SLCO3A1: variants seen among roughly 807,000 people sequenced by gnomAD.
SLCO3A1 encodes the protein PGE1 transporter.
SLCO3A1 carries 27 observed loss-of-function variants against 63.1 expected under a neutral mutation model. That is an observed-to-expected ratio of 0.43 (90% CI 0.32 to 0.59). The LOEUF is 0.59. Ranked by LOEUF, SLCO3A1 falls within the 20% of genes least tolerant of loss-of-function variation. The pLI is 0.09. For synonymous variants in SLCO3A1, 473 were observed against 409.9 expected (o/e 1.15, Z -1.86); for missense variants, 773 against 945.8 (o/e 0.82, Z 2.40).
rs140029937 is a variant in SLCO3A1 at position 92,155,753 on chromosome 15, G to C, written c.1753+4739G>C. Among the ~76,000 whole-genome samples the C allele has an allele frequency of 3.5e-4, 53 of 152,286 alleles. No individual in the cohort carries two copies. The East Asian group carries it at 7.3e-3, about 21-fold the overall frequency. ...TCCCCCCAACCCAACCGACCTAAGT[G>C]AAAGCAAAAGAGAAGCAATGAAAGC... is the stretch of plus-strand genomic sequence containing the variant. On this transcript the variant is annotated intron_variant, in intron 9 of 9. Coordinates refer to ENST00000318445, the MANE Select transcript of SLCO3A1 (RefSeq NM_013272.4).
intron 4 of SLCO3A1, among the ~76,000 whole-genome samples, chr15:92,110,455 T>C (rs780871690): frequency 1.4e-4 from 21 of 152,112 alleles, no homozygotes; most frequent in Non-Finnish European, 2.2e-4. Context: ...ACCCTTCTCA[T>C]GCCAGTCATG....
chr15:91,896,188 C>T (rs1045074341), intron 1 of SLCO3A1, among the ~76,000 whole-genome samples: 1 of 152,138 alleles, frequency 6.6e-6, no homozygotes, highest in South Asian at 2.1e-4. Flanking sequence ...TAAAGCAGGG[C>T]CTTTTCCTGT....
intron 2 of SLCO3A1, among the ~76,000 whole-genome samples, chr15:92,016,204 T>TATAGATACATAGATAGATAGATAGATAG (rs58884056): frequency 8.3e-6 from 1 of 120,122 alleles, no homozygotes; most frequent in Admixed American, 8.7e-5. Flanking sequence ...TATATATTTA[T>TATAGATACATAGATAGATAGATAGATAG]ATAGATAGAT....
intron 4 of SLCO3A1, among the ~76,000 whole-genome samples, chr15:92,110,550 C>T (rs538996065): frequency 3.3e-5 from 5 of 152,292 alleles, no homozygotes; most frequent in East Asian, 1.9e-4. Context: ...ACTCTGCATT[C>T]GTTCCCTCTA....
intron 2 of SLCO3A1, among the ~76,000 whole-genome samples, chr15:92,065,774 C>CA (rs1463843941): frequency 1.3e-5 from 2 of 152,148 alleles, no homozygotes; most frequent in African/African-American, 4.8e-5. Context: ...TTTACGTGCA[C>CA]ATTTTACAGA....
rs141906341 is a variant in SLCO3A1 at position 92,075,870 on chromosome 15, G to A, written c.647-19011G>A. ...GTTCCCTCTCTCATATAGTGAGTGAGTGTTTTTGTCCAGTCTGTACTTGCC... is the reference window on the plus strand; with the variant it reads ...GTTCCCTCTCTCATATAGTGAGTGAATGTTTTTGTCCAGTCTGTACTTGCC... On this transcript the variant is annotated intron_variant, in intron 2 of 9. Coordinates refer to ENST00000318445, the MANE Select transcript of SLCO3A1 (RefSeq NM_013272.4). Among the ~76,000 whole-genome samples the A allele has an allele frequency of 3.7e-3, 560 of 152,322 alleles. 7 individuals carry two copies. The highest frequency in any genetic ancestry group is 0.013 in the African/African-American group (521 of 41,584).
At chr15:92,009,391 T>C (rs1881390183) in intron 2 of SLCO3A1, among the ~76,000 whole-genome samples, 1 of 152,192 alleles carries the variant, frequency 6.6e-6, no homozygotes. Context: ...GTTAGGTGAC[T>C]CAGGTTCTGA....
chr15:92,087,676 G>C (rs2047423181), intron 2 of SLCO3A1, among the ~76,000 whole-genome samples: 2 of 151,846 alleles, frequency 1.3e-5, no homozygotes, highest in Non-Finnish European at 2.9e-5. Context: ...GTACCACCAT[G>C]CCCAGCTAAT....
At position 92,162,839 on chromosome 15, in the gene SLCO3A1, G is replaced by A. The variant is rs747357449; in HGVS notation, c.1837G>A (p.Ala613Thr). Residue 613 changes from alanine to threonine, a missense_variant, in exon 10 of 10, where the codon GCC becomes ACC. Physicochemically the swap from Ala to Thr is moderately conservative, Grantham distance 58. Coordinates refer to ENST00000318445, the MANE Select transcript of SLCO3A1 (RefSeq NM_013272.4). ...GAGCACGTTCTGTGGGGAGCAAGGC[G>A]CCTGCGTCCTCTACGACAATGTGGT... ...FWSTFCGEQGACVLYDNVVYR... is the reference protein window; with the variant it reads ...FWSTFCGEQGTCVLYDNVVYR... The A allele has an allele frequency of 7.4e-6, 12 of 1,614,070 alleles. No individual in the cohort carries two copies. Among genetic ancestry groups the A allele is most frequent in the Admixed American group, 1.7e-5 (1 of 60,002 alleles).
chr15:92,126,615 A>G (rs893533422), intron 6 of SLCO3A1, among the ~76,000 whole-genome samples: 41 of 152,224 alleles, frequency 2.7e-4, no homozygotes, highest in Admixed American at 2.1e-3. Context: ...TGATTTCAAC[A>G]ATTCCTTAAA....
chr15:91,943,153 T>G (rs1245636518), intron 2 of SLCO3A1, among the ~76,000 whole-genome samples: 2 of 152,178 alleles, frequency 1.3e-5, no homozygotes, highest in African/African-American at 4.8e-5. Context: ...AGCCTAGTAG[T>G]GTTAAGGACA....
At position 91,881,859 on chromosome 15, in the gene SLCO3A1, G is replaced by A. The variant is rs575975701; in HGVS notation, c.180+27771G>A. Among the ~76,000 whole-genome samples, 84 of 152,270 alleles carry A rather than the reference G, an allele frequency of 5.5e-4. 2 individuals carry two copies. The South Asian group carries it at 0.017, about 30-fold the overall frequency. ...GACTTCTTTGCCTGGCAAACTCCTG[G>A]TCATCTTTTACCACTGGAATGTCAT... On this transcript the variant is annotated intron_variant, in intron 1 of 9. Transcript: ENST00000318445.
intron 2 of SLCO3A1, among the ~76,000 whole-genome samples, chr15:91,976,994 A>G (rs1336767483): frequency 6.6e-6 from 1 of 152,128 alleles, no homozygotes; most frequent in East Asian, 1.9e-4. Context: ...TTTGAGATCA[A>G]CCAGTCTGAC....
chr15:92,081,450 A>T (rs1596082974), intron 2 of SLCO3A1, among the ~76,000 whole-genome samples: 1 of 150,104 alleles, frequency 6.7e-6, no homozygotes, highest in Non-Finnish European at 1.5e-5. Flanking sequence ...GCTCACTGCA[A>T]CCTCCACCTC....
intron 2 of SLCO3A1, among the ~76,000 whole-genome samples, chr15:91,981,970 C>G (rs1163605931): frequency 6.6e-6 from 1 of 152,258 alleles, no homozygotes; most frequent in Middle Eastern, 3.2e-3. Flanking sequence ...TGCTTACATG[C>G]CTTCTTCTGT....
chr15:92,054,247 G>A (rs1009968060), intron 2 of SLCO3A1, among the ~76,000 whole-genome samples: 1 of 152,144 alleles, frequency 6.6e-6, no homozygotes, highest in Non-Finnish European at 1.5e-5. Context: ...GACTCATGCT[G>A]TATTAAAATG....
intron 7 of SLCO3A1, among the ~76,000 whole-genome samples, chr15:92,132,864 C>T (rs778534276): frequency 6.9e-6 from 1 of 145,508 alleles, no homozygotes; most frequent in Admixed American, 6.8e-5. Context: ...CAATACAGGC[C>T]GCACCTTAGG....
At position 91,942,075 on chromosome 15, in the gene SLCO3A1, A is replaced by G. The variant is rs1899641913; in HGVS notation, c.646+25617A>G. On this transcript the variant is annotated intron_variant, in intron 2 of 9. Coordinates refer to ENST00000318445, the MANE Select transcript of SLCO3A1 (RefSeq NM_013272.4). This position sits in a 1 kb window ranked among gnomAD's most constrained non-coding sequence, Gnocchi z 4.1. ...TAGAGTCTTGTTCTTTATTCTAGAC[A>G]ATGCCACCACCTACTGTTTTGCTGT... Among the ~76,000 whole-genome samples, 1 of 152,210 alleles carries G rather than the reference A, an allele frequency of 6.6e-6. No homozygotes were observed. The highest frequency in any genetic ancestry group is 6.5e-5 in the Admixed American group (1 of 15,284).
intron 3 of SLCO3A1, among the ~76,000 whole-genome samples, chr15:92,096,880 C>T (rs142333855): frequency 2.6e-5 from 4 of 152,092 alleles, no homozygotes; most frequent in South Asian, 4.1e-4. Flanking sequence ...GTTTTGCAGC[C>T]GTCGGCTGGC....
Sources: gnomAD v4.1 joint callset for allele counts (sites outside exome capture counted in the v4.1 genomes callset) on GRCh38, gnomAD v4.1.1 for gene constraint, Gnocchi (gnomAD v3.1) non-coding constraint, MANE v1.5 for transcripts, NCBI Gene and HGNC (gene_info 2026-07-23, HGNC 2026-07-21) for gene names.